The following DACH2 variants were observed in gnomAD, a reference collection of about 807,000 sequenced individuals.
DACH2 encodes the protein dachshund family transcription factor 2.
Under a neutral mutation model 35.8 loss-of-function variants are expected in DACH2, and 17 were observed. That is an observed-to-expected ratio of 0.48 (90% CI 0.33 to 0.71). The LOEUF (loss-of-function observed/expected upper bound fraction) is 0.71. Among genes scored for constraint, DACH2 ranks in the 30% least tolerant of loss-of-function variants. The pLI is 0.02. For missense variants in DACH2, 469 were observed against 472.7 expected (o/e 0.99, Z 0.07); for synonymous variants, 195 against 177.3 (o/e 1.10, Z -0.79).
intron 3 of DACH2, among the ~76,000 whole-genome samples, chrX:86,574,748 C>A (rs1258206297): frequency 1.8e-5 from 2 of 111,206 alleles, no homozygotes; most frequent in Admixed American, 9.6e-5. Context: ...TTTTAATATG[C>A]CCTTATGCTG....
chrX:86,656,590 A>G (rs1267000952), intron 4 of DACH2, among the ~76,000 whole-genome samples: 1 of 109,647 alleles, frequency 9.1e-6, no homozygotes, highest in Admixed American at 9.8e-5. Flanking sequence ...CAGCTGATAA[A>G]GGAGATTGTC....
intron 1 of DACH2, among the ~76,000 whole-genome samples, chrX:86,240,359 C>T (rs905980704): frequency 9.0e-6 from 1 of 110,625 alleles, no homozygotes; most frequent in African/African-American, 3.3e-5. Context: ...TATCCTCAAA[C>T]TCAAATTATT....
intron 3 of DACH2, among the ~76,000 whole-genome samples, chrX:86,591,564 G>T (rs1414906083): frequency 3.9e-4 from 35 of 89,270 alleles, no homozygotes; most frequent in Non-Finnish European, 6.4e-4. Context: ...TTGAGAAGGA[G>T]TCTTGCTCTG....
intron 1 of DACH2, among the ~76,000 whole-genome samples, chrX:86,248,306 C>T (rs140760714): frequency 2.2e-3 from 249 of 111,085 alleles, no homozygotes; most frequent in African/African-American, 7.9e-3. Context: ...ATAGTTTCTG[C>T]TCCAAAGCTC....
At chrX:86,552,544 G>A (rs907391774) in intron 3 of DACH2, among the ~76,000 whole-genome samples, 1 of 112,061 alleles carries the variant, frequency 8.9e-6, no homozygotes, top group Admixed American at 9.5e-5. Context: ...AAACAACTTG[G>A]AATTGCTTTA....
chrX:86,151,564 C>T (rs182468298), intron 1 of DACH2, among the ~76,000 whole-genome samples: 79 of 110,636 alleles, frequency 7.1e-4, no homozygotes, highest in Admixed American at 1.1e-3. Flanking sequence ...CCACAATTTC[C>T]GGGAAAAATC....
At chrX:86,616,264 T>A (rs1187348502) in intron 3 of DACH2, among the ~76,000 whole-genome samples, 3 of 111,875 alleles carry the variant, frequency 2.7e-5, no homozygotes, top group South Asian at 7.5e-4. Context: ...GTAGAAAGAT[T>A]TATATTCCTT....
At chrX:86,168,785 C>T (rs1469043208) in intron 1 of DACH2, among the ~76,000 whole-genome samples, 1 of 109,249 alleles carries the variant, frequency 9.2e-6, no homozygotes, top group Non-Finnish European at 1.9e-5. Context: ...AATAAAAACC[C>T]TATGCCGTAA....
intron 2 of DACH2, 86 bp from the exon 3 acceptor site, chrX:86,514,193 A>G: frequency 1.2e-6 from 1 of 862,947 alleles, no homozygotes; most frequent in Non-Finnish European, 1.7e-6. Context: ...ATTAAACAAG[A>G]TTTAAAAGGT....
At chrX:86,411,020 T>TTTTATATATATATATATATA (rs1556108950) in intron 2 of DACH2, among the ~76,000 whole-genome samples, 1 of 40,528 alleles carries the variant, frequency 2.5e-5, no homozygotes, top group Non-Finnish European at 4.4e-5. Flanking sequence ...ACTAATATGA[T>TTTTATATATATATATATATA]TATATATATA....
intron 1 of DACH2, among the ~76,000 whole-genome samples, chrX:86,224,040 A>AT (rs1249869140): frequency 9.0e-6 from 1 of 111,496 alleles, no homozygotes; most frequent in Non-Finnish European, 1.9e-5. Flanking sequence ...TCTCTTCTCC[A>AT]TTTTTTGAAT....
At chrX:86,282,015 G>A (rs2034039430) in intron 1 of DACH2, among the ~76,000 whole-genome samples, 1 of 111,791 alleles carries the variant, frequency 8.9e-6, no homozygotes, top group Admixed American at 9.5e-5. Context: ...ACAAACAAAT[G>A]GAAAAACATT....
Position 86,331,742 on chromosome X carries a change from C to T in DACH2, c.489-45082C>T, listed in dbSNP as rs2035216955. Among the ~76,000 whole-genome samples, 4 of 111,077 alleles carry T rather than the reference C, an allele frequency of 3.6e-5. No homozygotes were observed. The South Asian group carries it at 1.5e-3, about 42-fold the overall frequency. ...AGATTAATATTAAAAATACACTATACAAGTGTCAACTCTTTCAACTTGCAG... is the reference window on the plus strand; with the variant it reads ...AGATTAATATTAAAAATACACTATATAAGTGTCAACTCTTTCAACTTGCAG... On this transcript the variant is annotated intron_variant, in intron 1 of 11. Transcript: ENST00000373125.
At chrX:86,374,959 A>AAAAGAAC (rs1184985460) in intron 1 of DACH2, among the ~76,000 whole-genome samples, 11 of 110,633 alleles carry the variant, frequency 9.9e-5, no homozygotes, top group Non-Finnish European at 2.1e-4. Context: ...TGATATCACT[A>AAAAGAAC]AAAGAACAAA....
chrX:86,396,104 A>C (rs1316816234), intron 2 of DACH2, among the ~76,000 whole-genome samples: 24 of 111,815 alleles, frequency 2.1e-4, no homozygotes, highest in Non-Finnish European at 3.6e-4. Flanking sequence ...ATGGTATCTC[A>C]TTGTGGTTTT....
chrX:86,507,126 T>G lies in DACH2; in HGVS notation c.528-7153T>G, dbSNP rs982781843. On this transcript the variant is annotated intron_variant, in intron 2 of 11. Transcript: ENST00000373125. Reference sequence around the variant, plus strand: ...TGTGTGTGCTTCCAGACTGTATCACTATCCATAGAGACTAATGCAGGCAGG... The same window carrying G: ...TGTGTGTGCTTCCAGACTGTATCACGATCCATAGAGACTAATGCAGGCAGG... Among the ~76,000 whole-genome samples the G allele has an allele frequency of 2.7e-5, 3 of 111,986 alleles. No individual in the cohort carries two copies. The Admixed American group carries it at 2.8e-4, about 11-fold the overall frequency.
chrX:86,742,766 C>A, intron 7 of DACH2: 2 of 250,245 alleles, frequency 8.0e-6, no homozygotes, highest in Admixed American at 4.2e-5. Flanking sequence ...ATATAATAAT[C>A]AGATACTAAC....
chrX:86,556,756 G>GTATATATATATATATA (rs555576117), intron 3 of DACH2, among the ~76,000 whole-genome samples: 3 of 25,452 alleles, frequency 1.2e-4, no homozygotes, highest in Non-Finnish European at 2.0e-4. Context: ...AATAGGATAT[G>GTATATATATATATATA]TATATATATA....
At chrX:86,251,454 C>T (rs1263535367) in intron 1 of DACH2, among the ~76,000 whole-genome samples, 1 of 110,495 alleles carries the variant, frequency 9.1e-6, no homozygotes, top group African/African-American at 3.3e-5. Context: ...GCAGTATACA[C>T]TGAACCCAGT....
Sources: gnomAD v4.1 joint callset for allele counts (sites outside exome capture counted in the v4.1 genomes callset) on GRCh38, gnomAD v4.1.1 for gene constraint, MANE v1.5 for transcripts, NCBI Gene and HGNC (gene_info 2026-07-23, HGNC 2026-07-21) for gene names.